Variants in ASIC2 observed in about 807,000 individuals in gnomAD.
ASIC2 encodes acid-sensing ion channel 2.
A neutral mutation model predicts 57.3 loss-of-function variants in ASIC2; 25 were observed. The observed-to-expected ratio is 0.44, with a 90% CI of 0.32 to 0.61. The LOEUF (loss-of-function observed/expected upper bound fraction) is 0.61. Among genes scored for constraint, ASIC2 ranks in the 20% least tolerant of loss-of-function variants. The probability of loss-of-function intolerance (pLI) is 0.06; values close to 1 mark genes in which losing one functional copy is unlikely to be tolerated. For missense variants in ASIC2, 641 were observed against 738.1 expected, an observed-to-expected ratio of 0.87 and a Z score of 1.52; for synonymous variants, 319 against 307.5, an observed-to-expected ratio of 1.04 and a Z score of -0.39.
At chr17:33,056,850 A>G (rs1329618297) in intron 3 of ASIC2, among the ~76,000 whole-genome samples, 1 of 152,170 alleles carries the variant, frequency 6.6e-6, no homozygotes, top group South Asian at 2.1e-4. Flanking sequence ...GAAGCCAGAG[A>G]GGGGTTCACA....
intron 1 of ASIC2, among the ~76,000 whole-genome samples, chr17:33,507,764 C>T (rs1175849765): frequency 6.6e-6 from 1 of 152,040 alleles, no homozygotes; most frequent in Admixed American, 6.6e-5. Context: ...TTAGCTGGGC[C>T]TGGTGGCACA....
At chr17:33,146,235 T>A (rs968806776) in intron 1 of ASIC2, among the ~76,000 whole-genome samples, 1 of 152,190 alleles carries the variant, frequency 6.6e-6, no homozygotes, top group Admixed American at 6.5e-5. Flanking sequence ...GACAGTTGAA[T>A]GAATGAGCAA....
At chr17:34,016,423 CA>C (rs398041640) in intron 1 of ASIC2, among the ~76,000 whole-genome samples, 2,071 of 41,412 alleles carry the variant, frequency 0.05, 2 homozygotes, top group Non-Finnish European at 0.073. Context: ...GACTCCGTCT[CA>C]AAAAAAAAAA....
chr17:34,033,075 C>T (rs947067322), intron 1 of ASIC2, among the ~76,000 whole-genome samples: 1 of 152,172 alleles, frequency 6.6e-6, no homozygotes, highest in Non-Finnish European at 1.5e-5. Flanking sequence ...TTTTCAGTAC[C>T]ACACCACACC....
At chr17:33,958,679 C>T (rs867167527) in intron 1 of ASIC2, among the ~76,000 whole-genome samples, 1 of 152,114 alleles carries the variant, frequency 6.6e-6, no homozygotes, top group Non-Finnish European at 1.5e-5. Flanking sequence ...TCCTCCTAGA[C>T]CTCCCAGCCT....
At chr17:33,411,277 T>C (rs530937424) in intron 1 of ASIC2, among the ~76,000 whole-genome samples, 1 of 152,288 alleles carries the variant, frequency 6.6e-6, no homozygotes, top group East Asian at 1.9e-4. Context: ...TGAGTTTGGA[T>C]TATATGGTTG....
chr17:33,016,958 T>A (rs1383349889), intron 8 of ASIC2, among the ~76,000 whole-genome samples: 2 of 126,062 alleles, frequency 1.6e-5, no homozygotes, highest in African/African-American at 3.5e-5. Flanking sequence ...CAGAGAGAGA[T>A]GCAGGTGAGA....
At chr17:33,553,643 G>C (rs927737726) in intron 1 of ASIC2, among the ~76,000 whole-genome samples, 2 of 152,116 alleles carry the variant, frequency 1.3e-5, no homozygotes, top group Non-Finnish European at 2.9e-5. Context: ...AGCTGAGAAA[G>C]CTTCTTTAAT....
chr17:33,723,548 C>T (rs545857205), intron 1 of ASIC2, among the ~76,000 whole-genome samples: 69 of 152,282 alleles, frequency 4.5e-4, no homozygotes, highest in African/African-American at 1.2e-3. Context: ...AGGCTTGTCT[C>T]GAACTCCTGG....
chr17:33,646,028 C>T (rs1284831404), intron 1 of ASIC2, among the ~76,000 whole-genome samples: 1 of 152,110 alleles, frequency 6.6e-6, no homozygotes, highest in Non-Finnish European at 1.5e-5. Context: ...GAGCTGGGAT[C>T]CAAATGCACA....
chr17:33,493,343 G>A (rs1913819018), intron 1 of ASIC2, among the ~76,000 whole-genome samples: 1 of 152,158 alleles, frequency 6.6e-6, no homozygotes, highest in African/African-American at 2.4e-5. Flanking sequence ...AAATGATGCT[G>A]TTGTAAGAAA....
intron 1 of ASIC2, among the ~76,000 whole-genome samples, chr17:34,012,251 G>T (rs905908675): frequency 1.3e-5 from 2 of 152,048 alleles, no homozygotes; most frequent in Non-Finnish European, 2.9e-5. Context: ...ATATCTCGAT[G>T]CCTCCAATTG....
chr17:34,015,915 T>G (rs1043376215), intron 1 of ASIC2, among the ~76,000 whole-genome samples: 1 of 152,208 alleles, frequency 6.6e-6, no homozygotes, highest in African/African-American at 2.4e-5. Flanking sequence ...CTCACGTGCC[T>G]ACCATGAGGC....
chr17:33,279,341 G>C (rs899779310), intron 1 of ASIC2, among the ~76,000 whole-genome samples: 1 of 152,116 alleles, frequency 6.6e-6, no homozygotes, highest in African/African-American at 2.4e-5. Flanking sequence ...AGGCAGAGAT[G>C]GTGAATCAGG....
chr17:33,486,941 C>T (rs1204622724), intron 1 of ASIC2, among the ~76,000 whole-genome samples: 8 of 152,156 alleles, frequency 5.3e-5, no homozygotes, highest in Non-Finnish European at 1.2e-4. Context: ...CAGCACCCAA[C>T]CACAGCCCAG....
intron 1 of ASIC2, among the ~76,000 whole-genome samples, chr17:33,562,942 C>G (rs1916121330): frequency 6.6e-6 from 1 of 152,174 alleles, no homozygotes; most frequent in Non-Finnish European, 1.5e-5. Context: ...TAGGCAACTT[C>G]CCTGCATACC....
At chr17:33,813,671 C>T (rs1295144246) in intron 1 of ASIC2, among the ~76,000 whole-genome samples, 1 of 152,232 alleles carries the variant, frequency 6.6e-6, no homozygotes, top group African/African-American at 2.4e-5. Context: ...TTCCTGACCT[C>T]ATGATCCGCC....
chr17:33,533,686 C>T (rs1427004263), intron 1 of ASIC2: 1 of 152,182 alleles, frequency 6.6e-6, no homozygotes, highest in Non-Finnish European at 1.5e-5. Context: ...GGGGAATCAC[C>T]AATGTCTTCT....
intron 1 of ASIC2, among the ~76,000 whole-genome samples, chr17:33,795,859 A>T (rs1335068841): frequency 6.6e-6 from 1 of 152,250 alleles, no homozygotes; most frequent in African/African-American, 2.4e-5. Context: ...GCCAGAACTT[A>T]TCCAGGTAGC....
Sources: allele counts gnomAD v4.1 joint callset (sites outside exome capture counted in the v4.1 genomes callset), GRCh38; gene constraint gnomAD v4.1.1; transcripts MANE v1.5; gene names NCBI Gene and HGNC (gene_info 2026-07-23, HGNC 2026-07-21).